ADAMTS18: variants seen among roughly 807,000 people sequenced by gnomAD.
ADAMTS18 encodes A disintegrin and metalloproteinase with thrombospondin motifs 18.
Under a neutral mutation model 165.9 loss-of-function variants are expected in ADAMTS18, and 157 were observed. The observed-to-expected ratio is 0.95, with a 90% CI of 0.83 to 1.08. ADAMTS18 has a LOEUF of 1.08. Ranked by LOEUF, ADAMTS18 falls within the 50% of genes least tolerant of loss-of-function variation. ADAMTS18 has a pLI of 0.00. For synonymous variants in ADAMTS18, 782 were observed against 578.2 expected, an observed-to-expected ratio of 1.35 and a Z score of -5.06; for missense variants, 2,040 against 1,534.0, an observed-to-expected ratio of 1.33 and a Z score of -5.51.
At chr16:77,385,491 G>A (rs546171486) in intron 3 of ADAMTS18, among the ~76,000 whole-genome samples, 15 of 152,264 alleles carry the variant, frequency 9.9e-5, no homozygotes, top group African/African-American at 3.4e-4. Flanking sequence ...CCTTCCCAAG[G>A]CTGCTGGCTT....
chr16:77,380,288 C>T (rs1390272221), intron 3 of ADAMTS18, among the ~76,000 whole-genome samples: 1 of 152,188 alleles, frequency 6.6e-6, no homozygotes, highest in African/African-American at 2.4e-5. Context: ...ACCGTCTGTA[C>T]GGATGTAAAT....
rs1288850561 is a variant in ADAMTS18 at position 77,434,730 on chromosome 16, G to C, written c.-35C>G. 8.5e-6 allele frequency: 12 copies of C among 1,407,582 alleles called. No individual in the cohort carries two copies. In the South Asian group the frequency reaches 1.6e-4, roughly 19 times the overall value. 87.2% of individuals were successfully genotyped at this position (1,407,582 alleles called of 1,614,324 possible). A position where few individuals can be genotyped will look rare whatever the true frequency, so the allele number is the denominator to read the frequency against. On this transcript the variant is annotated 5_prime_UTR_variant, in exon 1 of 23. Transcript: ENST00000282849. ...CGGACGCGGCGGCTGCGGGTGGCCA[G>C]ACGCGGCAGGCGGAGCGCACGGGCG... is the stretch of plus-strand genomic sequence containing the variant.
At chr16:77,413,456 A>T (rs1187859648) in intron 3 of ADAMTS18, among the ~76,000 whole-genome samples, 1 of 152,222 alleles carries the variant, frequency 6.6e-6, no homozygotes, top group Non-Finnish European at 1.5e-5. Flanking sequence ...AAATTTGTTC[A>T]AATCCATTTG....
intron 16 of ADAMTS18, among the ~76,000 whole-genome samples, chr16:77,314,607 TGTCTCAAAAAAAAAA>T (rs1160391243): frequency 1.2e-5 from 1 of 84,470 alleles, no homozygotes; most frequent in East Asian, 4.8e-4. Context: ...AGCAAAACTC[TGTCTCAAAAAAAAAA>T]AAATGTGTGT....
At position 77,300,356 on chromosome 16, in the gene ADAMTS18, G is replaced by T. The variant is rs866658923; in HGVS notation, c.2581C>A (p.Pro861Thr). The T allele has an allele frequency of 6.2e-7, 1 of 1,613,920 alleles. No individual in the cohort carries two copies. Among genetic ancestry groups the T allele is most frequent in the African/African-American group, 1.3e-5 (1 of 74,888 alleles). The change falls in exon 17 of 23, where the codon CCC (proline) becomes ACC (threonine). Residue 861 changes from proline to threonine, a missense_variant. Coordinates refer to ENST00000282849, the MANE Select transcript of ADAMTS18 (RefSeq NM_199355.4). Reference sequence around the variant, plus strand: ...GGTGGAGTTCCATTCATGACCTTGGGAAGTGCATACTTCCAAGCTATCCCT... The same window carrying T: ...GGTGGAGTTCCATTCATGACCTTGGTAAGTGCATACTTCCAAGCTATCCCT... ...NPGIAWKYAL[P>T]KVMNGTPPAT...
intron 6 of ADAMTS18, 34 bp downstream of exon 6, chr16:77,363,768 C>G (rs878865214): frequency 6.3e-7 from 1 of 1,589,296 alleles, no homozygotes; most frequent in Non-Finnish European, 8.6e-7. Flanking sequence ...GAACGGCAGA[C>G]TGAATGAAGA....
intron 3 of ADAMTS18, among the ~76,000 whole-genome samples, chr16:77,386,231 T>G (rs1280226686): frequency 6.6e-6 from 1 of 152,160 alleles, no homozygotes; most frequent in East Asian, 1.9e-4. Flanking sequence ...CAGAGCCCAG[T>G]TAAGGGGCTC....
At position 77,283,738 on chromosome 16, in the gene ADAMTS18, C is replaced by T. The variant is rs978898951; in HGVS notation, c.*218G>A. The T allele has an allele frequency of 1.9e-4, 103 of 550,342 alleles. No individual in the cohort carries two copies. Among genetic ancestry groups the T allele is most frequent in the Middle Eastern group, 5.0e-4 (1 of 1,986 alleles). 34.1% of individuals were successfully genotyped at this position (550,342 alleles called of 1,614,324 possible). On this transcript the variant is annotated 3_prime_UTR_variant, in exon 23 of 23. Coordinates refer to ENST00000282849, the MANE Select transcript of ADAMTS18 (RefSeq NM_199355.4). The stretch of plus-strand genomic sequence containing the variant: ...TTTTTTTTAAAGTCAGATTTGTCAT[C>T]GCTTCCCATTTTCAAGTGCTTCAGA...
intron 3 of ADAMTS18, among the ~76,000 whole-genome samples, chr16:77,388,913 G>A (rs2057146897): frequency 6.6e-6 from 1 of 152,186 alleles, no homozygotes; most frequent in Non-Finnish European, 1.5e-5. Flanking sequence ...GTACTTTTGT[G>A]TCAAGGTAGC....
In ADAMTS18 at chr16:77,341,771, C is replaced by T. The variant is rs750108135; in HGVS notation, c.1643G>A (p.Arg548Gln). Reference sequence around the variant, plus strand: ...CTTGGTCTCACACCTGTGGCCTACTCGGTGGCACCAAAGTGATTTGCAAAT... The same window carrying T: ...CTTGGTCTCACACCTGTGGCCTACTTGGTGGCACCAAAGTGATTTGCAAAT... ...KDICKSLWCH[R>Q]VGHRCETKFM... Residue 548 changes from arginine to glutamine, a missense_variant, in exon 11 of 23, where the codon CGA (arginine) becomes CAA (glutamine). Transcript: ENST00000282849. 1.8e-5 allele frequency: 29 copies of T among 1,612,870 alleles called. No homozygotes were observed. The East Asian group carries it at 3.3e-4, about 19-fold the overall frequency.
intron 10 of ADAMTS18, among the ~76,000 whole-genome samples, chr16:77,345,245 T>C (rs2056458820): frequency 6.6e-6 from 1 of 152,170 alleles, no homozygotes; most frequent in Non-Finnish European, 1.5e-5. Flanking sequence ...CATTACAAAC[T>C]GAACACATCC....
At chr16:77,420,483 T>C (rs1200302899) in intron 3 of ADAMTS18, among the ~76,000 whole-genome samples, 1 of 152,164 alleles carries the variant, frequency 6.6e-6, no homozygotes, top group Non-Finnish European at 1.5e-5. Context: ...AGCATAAGCG[T>C]CTGTGTTTTT....
At chr16:77,348,724 A>T (rs774237954) in intron 10 of ADAMTS18, among the ~76,000 whole-genome samples, 1 of 152,222 alleles carries the variant, frequency 6.6e-6, no homozygotes, top group Non-Finnish European at 1.5e-5. Context: ...GATACTCTCT[A>T]CCAATAGAGG....
chr16:77,426,867 G>A (rs1357309758), intron 3 of ADAMTS18, among the ~76,000 whole-genome samples: 2 of 152,066 alleles, frequency 1.3e-5, no homozygotes, highest in East Asian at 3.9e-4. Context: ...TACAAAAATT[G>A]GCCTGGTGTG....
At chr16:77,347,568 A>C (rs1320698168) in intron 10 of ADAMTS18, among the ~76,000 whole-genome samples, 1 of 151,802 alleles carries the variant, frequency 6.6e-6, no homozygotes, top group East Asian at 1.9e-4. Context: ...GATATTGAGT[A>C]CCATTTCATG....
At chr16:77,340,731 C>A (rs1371791918) in intron 11 of ADAMTS18, among the ~76,000 whole-genome samples, 1 of 152,088 alleles carries the variant, frequency 6.6e-6, no homozygotes, top group Non-Finnish European at 1.5e-5. Context: ...CAGGCACGCA[C>A]CACCAAGCCT....
At chr16:77,408,638 C>A (rs1290043079) in intron 3 of ADAMTS18, among the ~76,000 whole-genome samples, 1 of 151,870 alleles carries the variant, frequency 6.6e-6, no homozygotes, top group Non-Finnish European at 1.5e-5. Flanking sequence ...ATACAAAGTT[C>A]AAAAAAAGGC....
intron 3 of ADAMTS18, among the ~76,000 whole-genome samples, chr16:77,406,389 G>A (rs140367350): frequency 6.6e-6 from 1 of 152,102 alleles, no homozygotes; most frequent in East Asian, 1.9e-4. Flanking sequence ...ATGTATAATA[G>A]TGAAATAAAA....
chr16:77,403,561 T>C (rs1013110940), intron 3 of ADAMTS18, among the ~76,000 whole-genome samples: 1 of 152,176 alleles, frequency 6.6e-6, no homozygotes, highest in African/African-American at 2.4e-5. Context: ...TAGTAATAGT[T>C]CCCTGCCCTC....
Sources: allele counts gnomAD v4.1 joint callset (sites outside exome capture counted in the v4.1 genomes callset), GRCh38; gene constraint gnomAD v4.1.1; transcripts MANE v1.5; gene names NCBI Gene and HGNC (gene_info 2026-07-23, HGNC 2026-07-21).